LRRC28: variants seen among roughly 807,000 people sequenced by gnomAD.
LRRC28 encodes the protein leucine rich repeat containing 28.
LRRC28 carries 39 observed loss-of-function variants against 45.7 expected under a neutral mutation model. The observed-to-expected ratio is 0.85, with a 90% CI of 0.66 to 1.12. LRRC28 has a LOEUF of 1.12. Among genes scored for constraint, LRRC28 ranks in the 50% most tolerant of loss-of-function variants. LRRC28 has a pLI of 0.00. For missense variants in LRRC28, 435 were observed against 438.5 expected (o/e 0.99, Z 0.07); for synonymous variants, 206 against 178.8 (o/e 1.15, Z -1.22).
At chr15:99,315,299 GT>G (rs142356260) in intron 5 of LRRC28, among the ~76,000 whole-genome samples, 21,662 of 152,018 alleles carry the variant, frequency 0.14, 1,567 homozygotes, top group Non-Finnish European at 0.16. Context: ...TTTAGGTGCT[GT>G]TTAGATAGTG....
At chr15:99,377,845 A>G (rs1404544357) in intron 9 of LRRC28, among the ~76,000 whole-genome samples, 1 of 152,124 alleles carries the variant, frequency 6.6e-6, no homozygotes, top group African/African-American at 2.4e-5. Context: ...CAAAGATCAG[A>G]TGGTTGTAGA....
intron 7 of LRRC28, among the ~76,000 whole-genome samples, chr15:99,359,231 A>C (rs1237813120): frequency 1.3e-5 from 2 of 152,226 alleles, no homozygotes; most frequent in African/African-American, 4.8e-5. Context: ...CACATCAGAA[A>C]AGAATGCTGA....
chr15:99,316,355 T>A (rs1178704685), intron 5 of LRRC28, among the ~76,000 whole-genome samples: 1 of 152,234 alleles, frequency 6.6e-6, no homozygotes, highest in Non-Finnish European at 1.5e-5. Context: ...CTTTTTTTCC[T>A]TTTAATTTTA....
At chr15:99,267,414 T>C (rs1036743943) in intron 2 of LRRC28, among the ~76,000 whole-genome samples, 11 of 152,110 alleles carry the variant, frequency 7.2e-5, no homozygotes, top group African/African-American at 2.7e-4. Flanking sequence ...GGGAATTAAG[T>C]TTTGTTATTA....
chr15:99,293,266 A>G (rs1174678101), intron 5 of LRRC28, among the ~76,000 whole-genome samples: 3 of 152,062 alleles, frequency 2.0e-5, no homozygotes, highest in Non-Finnish European at 2.9e-5. Context: ...TGTAAACTCC[A>G]TTAGATAATA....
At chr15:99,258,554 A>G in intron 2 of LRRC28, 1 of 737,962 alleles carries the variant, frequency 1.4e-6, no homozygotes, top group Non-Finnish European at 2.5e-6. Context: ...AAGCTGCAGT[A>G]GAGGAAGAAG....
chr15:99,317,388 C>T (rs1395291709), intron 5 of LRRC28: 3 of 152,136 alleles, frequency 2.0e-5, no homozygotes, highest in Non-Finnish European at 4.4e-5. Context: ...GGTTTCCTGA[C>T]TTGATAATGC....
intron 9 of LRRC28, among the ~76,000 whole-genome samples, chr15:99,380,668 G>T (rs1957791730): frequency 6.6e-6 from 1 of 152,186 alleles, no homozygotes; most frequent in Non-Finnish European, 1.5e-5. Flanking sequence ...GCAGTGGCTG[G>T]TACCAGTTGT....
At chr15:99,285,790 T>C in intron 3 of LRRC28, 1 of 474,430 alleles carries the variant, frequency 2.1e-6, no homozygotes, top group Non-Finnish European at 4.0e-6. Flanking sequence ...TTGAGGCAAG[T>C]ATTTTGTTGA....
At chr15:99,323,398 A>G (rs780064143) in intron 5 of LRRC28, among the ~76,000 whole-genome samples, 10 of 152,222 alleles carry the variant, frequency 6.6e-5, no homozygotes, top group African/African-American at 1.2e-4. Flanking sequence ...GACTATATCT[A>G]GGATTCGATC....
intron 5 of LRRC28, among the ~76,000 whole-genome samples, chr15:99,313,654 A>C (rs1409334415): frequency 6.6e-6 from 1 of 152,178 alleles, no homozygotes; most frequent in Non-Finnish European, 1.5e-5. Flanking sequence ...GTTTGCTAGC[A>C]ACTAATTTTC....
chr15:99,331,926 A>G (rs1956171802), intron 5 of LRRC28: 1 of 152,218 alleles, frequency 6.6e-6, no homozygotes, highest in Non-Finnish European at 1.5e-5. Flanking sequence ...AAGCCTTCAC[A>G]TAACCTTCTC....
chr15:99,346,999 C>A (rs1037825945), intron 6 of LRRC28, among the ~76,000 whole-genome samples: 2 of 152,042 alleles, frequency 1.3e-5, no homozygotes, highest in African/African-American at 4.8e-5. Flanking sequence ...ATGAACATAT[C>A]TATCATCTCA....
At position 99,387,301 on chromosome 15, in the gene LRRC28, C is replaced by T. The variant is rs1213678525; in HGVS notation, c.*1199C>T. The T allele has an allele frequency of 6.6e-6, 1 of 151,758 alleles. No individual in the cohort carries two copies. Among genetic ancestry groups the T allele is most frequent in the African/African-American group, 2.4e-5 (1 of 41,270 alleles). 9.4% of individuals were successfully genotyped at this position (151,758 alleles called of 1,614,324 possible). A position where few individuals can be genotyped will look rare whatever the true frequency, so the allele number is the denominator to read the frequency against. Reference sequence around the variant, plus strand: ...GGTCTCGATCTCCTGACCTCGTGATCCGCACGCCTCGGCCTCCCAAAGTGC... The same window carrying T: ...GGTCTCGATCTCCTGACCTCGTGATTCGCACGCCTCGGCCTCCCAAAGTGC... On this transcript the variant is annotated 3_prime_UTR_variant, in exon 10 of 10. Transcript: ENST00000301981.
At position 99,361,574 on chromosome 15, in the gene LRRC28, A is replaced by T. The variant is rs917199223; in HGVS notation, c.871+63A>T. 7 of 1,467,854 alleles carry T rather than the reference A, an allele frequency of 4.8e-6. No homozygotes were observed. The African/African-American group carries it at 8.5e-5, about 18-fold the overall frequency. 90.9% of individuals were successfully genotyped at this position (1,467,854 alleles called of 1,614,324 possible). On this transcript the variant is annotated intron_variant, in intron 8 of 9. Coordinates refer to ENST00000301981, the MANE Select transcript of LRRC28 (RefSeq NM_144598.5). ...ATTTAGTGAACATTGTGCTTGGTGC[A>T]CCTGTTTTGGCGTTCATCTTTAAAA...
chr15:99,289,560 G>A (rs1050912432), intron 5 of LRRC28, among the ~76,000 whole-genome samples: 2 of 152,156 alleles, frequency 1.3e-5, no homozygotes, highest in African/African-American at 4.8e-5. Flanking sequence ...GTACAGAAAT[G>A]TCTAAATTAA....
chr15:99,338,002 C>A (rs1390057237), intron 6 of LRRC28: 1 of 152,230 alleles, frequency 6.6e-6, no homozygotes, highest in Non-Finnish European at 1.5e-5. Flanking sequence ...GGAGCAAATG[C>A]AAGCCCCGGT....
intron 5 of LRRC28, among the ~76,000 whole-genome samples, chr15:99,321,276 AT>A (rs1955785844): frequency 6.6e-6 from 1 of 152,158 alleles, no homozygotes; most frequent in Non-Finnish European, 1.5e-5. Context: ...GGCAATATTT[AT>A]TTGCTTACGT....
At chr15:99,270,288 A>G (rs1353286915) in intron 2 of LRRC28, among the ~76,000 whole-genome samples, 2 of 152,192 alleles carry the variant, frequency 1.3e-5, no homozygotes, top group Non-Finnish European at 2.9e-5. Context: ...AAACTGACAT[A>G]ACATAAAATT....
Sources: gnomAD v4.1 joint callset for allele counts (sites outside exome capture counted in the v4.1 genomes callset) on GRCh38, gnomAD v4.1.1 for gene constraint, MANE v1.5 for transcripts, NCBI Gene and HGNC (gene_info 2026-07-23, HGNC 2026-07-21) for gene names.